The following MTHFD1 variants were observed in gnomAD, a reference collection of about 807,000 sequenced individuals.
The protein encoded by MTHFD1 is methylenetetrahydrofolate dehydrogenase, cyclohydrolase and formyltetrahydrofolate synthetase 1.
MTHFD1 carries 44 observed loss-of-function variants against 110.3 expected under a neutral mutation model. The ratio of observed to expected loss-of-function variants is 0.40; its 90% CI spans 0.31 to 0.51. MTHFD1 has a LOEUF of 0.51. Among genes scored for constraint, MTHFD1 ranks in the 20% least tolerant of loss-of-function variants. The probability of loss-of-function intolerance (pLI) is 0.60; values close to 1 mark genes in which losing one functional copy is unlikely to be tolerated. For missense variants in MTHFD1, 909 were observed against 1,173.1 expected, an observed-to-expected ratio of 0.77 and a Z score of 3.29; for synonymous variants, 402 against 428.8, an observed-to-expected ratio of 0.94 and a Z score of 0.77.
intron 2 of MTHFD1, among the ~76,000 whole-genome samples, chr14:64,404,328 G>C (rs1389904916): frequency 6.6e-6 from 1 of 152,068 alleles, no homozygotes; most frequent in Non-Finnish European, 1.5e-5. Context: ...TGAATGCCTT[G>C]GGCTCACCCT....
At chr14:64,447,603 C>T (rs2078302981) in intron 22 of MTHFD1, among the ~76,000 whole-genome samples, 1 of 152,016 alleles carries the variant, frequency 6.6e-6, no homozygotes, top group Admixed American at 6.6e-5. Context: ...AGCCACTGGG[C>T]CCAGCCACTG....
chr14:64,447,656 G>A (rs957676469), intron 22 of MTHFD1, among the ~76,000 whole-genome samples: 3 of 151,800 alleles, frequency 2.0e-5, no homozygotes, highest in Non-Finnish European at 4.4e-5. Context: ...TCTTGCCCTC[G>A]TTCACGGTCG....
rs559405420 is a variant in MTHFD1 at position 64,442,119 on chromosome 14, T to C, written c.1950T>C (p.Ile650=). The change falls in exon 20 of 28, where the codon ATT becomes ATC. Residue 650 remains isoleucine, a synonymous_variant. Transcript: ENST00000652337. The stretch of plus-strand genomic sequence containing the variant: ...TCGCACATGGCAATTCCTCCATCAT[T>C]GCAGACCGGATCGCACTCAAGCTTG... The part of the protein sequence containing the change: ...ANIAHGNSSI[I]ADRIALKLVG... 1 of 1,614,202 alleles carries C rather than the reference T, an allele frequency of 6.2e-7. No homozygotes were observed. Among genetic ancestry groups the C allele is most frequent in the South Asian group, 1.1e-5 (1 of 91,086 alleles).
chr14:64,459,659 G>T, intron 27 of MTHFD1, 100 bp from the exon 28 acceptor site: 1 of 1,018,162 alleles, frequency 9.8e-7, no homozygotes, highest in Non-Finnish European at 1.4e-6. Context: ...AATGTTAACA[G>T]CTTTGGCAAT....
In MTHFD1 at chr14:64,407,590, G is replaced by A. The variant is rs534226693; in HGVS notation, c.127-3500G>A. On this transcript the variant is annotated intron_variant, in intron 2 of 27. Transcript: ENST00000652337. Reference sequence around the variant, plus strand: ...GTCAGAATCTTGTTCTGTCATGCAGGCTGGAGTGCAGTGATGTGATCTCTG... The same window carrying A: ...GTCAGAATCTTGTTCTGTCATGCAGACTGGAGTGCAGTGATGTGATCTCTG... Among the ~76,000 whole-genome samples, 147 of 146,634 alleles carry A rather than the reference G, an allele frequency of 1.0e-3. No individual in the cohort carries two copies. In the Middle Eastern group the frequency reaches 0.022, roughly 22 times the overall value.
chr14:64,410,951 C>T, intron 2 of MTHFD1, 139 bp from the exon 3 acceptor site: 1 of 702,330 alleles, frequency 1.4e-6, no homozygotes, highest in Non-Finnish European at 2.6e-6. Context: ...CCCACAGCCT[C>T]CCTATACTCC....
intron 15 of MTHFD1, among the ~76,000 whole-genome samples, chr14:64,434,851 G>C (rs1274841960): frequency 7.0e-6 from 1 of 142,436 alleles, no homozygotes; most frequent in Non-Finnish European, 1.5e-5. Context: ...ACAGGGTCTT[G>C]CTCTGTCACC....
chr14:64,399,519 C>T (rs948101110), intron 1 of MTHFD1, among the ~76,000 whole-genome samples: 37 of 151,798 alleles, frequency 2.4e-4, no homozygotes, highest in African/African-American at 7.3e-4. Context: ...ATTAGCCGGG[C>T]GTGGTGGCAC....
intron 1 of MTHFD1, among the ~76,000 whole-genome samples, chr14:64,395,080 A>G (rs1318852514): frequency 6.6e-6 from 1 of 151,944 alleles, no homozygotes; most frequent in African/African-American, 2.4e-5. Context: ...ACTGGCATCA[A>G]CTCTCCTTTG....
chr14:64,430,069 A>AAAAT (rs1305435640), intron 12 of MTHFD1, 115 bp from the exon 13 acceptor site: 3 of 949,180 alleles, frequency 3.2e-6, no homozygotes, highest in East Asian at 2.4e-5. Context: ...ATGATTCTAA[A>AAAAT]AAATAAATAA....
chr14:64,449,377 G>T (rs937180214), intron 23 of MTHFD1, 68 bp from the exon 24 acceptor site: 1 of 1,568,754 alleles, frequency 6.4e-7, no homozygotes, highest in African/African-American at 1.4e-5. Flanking sequence ...AGGTTTAATG[G>T]CAAAAAGAAG....
chr14:64,418,112 A>C, intron 7 of MTHFD1, 88 bp downstream of exon 7: 3 of 1,481,814 alleles, frequency 2.0e-6, no homozygotes, highest in Non-Finnish European at 1.9e-6. Flanking sequence ...TCATGACCTC[A>C]TTTAACCCCA....
chr14:64,447,219 A>G (rs1165087955), intron 22 of MTHFD1, among the ~76,000 whole-genome samples: 1 of 138,940 alleles, frequency 7.2e-6, no homozygotes, highest in Non-Finnish European at 1.5e-5. Context: ...GCAGTGGTGC[A>G]ATTTCAACTC....
At chr14:64,438,720 G>T (rs1430748614) in intron 16 of MTHFD1, among the ~76,000 whole-genome samples, 1 of 152,158 alleles carries the variant, frequency 6.6e-6, no homozygotes, top group Non-Finnish European at 1.5e-5. Flanking sequence ...TACGGTGGTG[G>T]AAAGTCAATG....
intron 8 of MTHFD1, chr14:64,424,097 T>G (rs952065634): frequency 2.0e-5 from 3 of 153,626 alleles, no homozygotes; most frequent in African/African-American, 7.2e-5. Context: ...AACTACCAGA[T>G]GCAGCGCGGG....
chr14:64,431,981 A>G (rs2078164069), intron 15 of MTHFD1, 120 bp downstream of exon 15: 3 of 825,378 alleles, frequency 3.6e-6, no homozygotes, highest in African/African-American at 1.7e-5. Flanking sequence ...CAGTAATCAT[A>G]GTCTTAAAGT....
chr14:64,407,885 G>T (rs1244325185), intron 2 of MTHFD1, among the ~76,000 whole-genome samples: 5 of 152,112 alleles, frequency 3.3e-5, no homozygotes, highest in African/African-American at 1.2e-4. Flanking sequence ...GAACTATTCA[G>T]AGTGCTTTAT....
In MTHFD1 at chr14:64,444,800, C is replaced by T. The variant is rs1172035190; in HGVS notation, c.2178+66C>T. 1.1e-5 allele frequency: 17 copies of T among 1,565,488 alleles called. No homozygotes were observed. The East Asian group carries it at 1.1e-4, about 10-fold the overall frequency. ...CACACCTTGAATCAGCATTTCTCCA[C>T]CTGGCCCATGTGGAAATGAATGGGT... On this transcript the variant is annotated intron_variant, in intron 22 of 27. Coordinates refer to ENST00000652337, the MANE Select transcript of MTHFD1 (RefSeq NM_005956.4).
rs750072226 is a variant in MTHFD1 at position 64,449,659 on chromosome 14, C to T, written c.2457+37C>T. 4.1e-5 allele frequency: 66 copies of T among 1,608,018 alleles called. 1 individual carries two copies. In the South Asian group the frequency reaches 4.5e-4, roughly 11 times the overall value. On this transcript the variant is annotated intron_variant, in intron 24 of 27. Coordinates refer to ENST00000652337, the MANE Select transcript of MTHFD1 (RefSeq NM_005956.4). ...GCTGTCTGCAAAAAAAGAAAAAAGA[C>T]GAAAAGGGCACAGTGAAGTTTCTGT...
Sources: gnomAD v4.1 joint callset for allele counts (sites outside exome capture counted in the v4.1 genomes callset) on GRCh38, gnomAD v4.1.1 for gene constraint, MANE v1.5 for transcripts, NCBI Gene and HGNC (gene_info 2026-07-23, HGNC 2026-07-21) for gene names.